The following HECW1 variants were observed in gnomAD, a reference collection of about 807,000 sequenced individuals.
The protein encoded by HECW1 is E3 ubiquitin-protein ligase HECW1.
In HECW1, 61 loss-of-function variants were observed where a neutral mutation model predicts 182.3. That is an observed-to-expected ratio of 0.33 (90% CI 0.27 to 0.41). HECW1 has a LOEUF of 0.41. Among genes scored for constraint, HECW1 ranks in the 10% least tolerant of loss-of-function variants. HECW1 has a pLI of 1.00. For synonymous variants in HECW1, 859 were observed against 832.6 expected (o/e 1.03, Z -0.55); for missense variants, 1,739 against 2,108.9 (o/e 0.82, Z 3.44).
intron 2 of HECW1, among the ~76,000 whole-genome samples, chr7:43,216,918 G>A (rs1796496923): frequency 2.0e-5 from 3 of 152,166 alleles, no homozygotes; most frequent in East Asian, 3.9e-4. Context: ...GCCTCCTAAA[G>A]TGCTGGGATT....
intron 17 of HECW1, among the ~76,000 whole-genome samples, chr7:43,487,561 G>A (rs1305096053): frequency 1.3e-5 from 2 of 152,160 alleles, no homozygotes; most frequent in African/African-American, 2.4e-5. Context: ...GTACACCCCT[G>A]AGAAACTTAA....
intron 3 of HECW1, chr7:43,258,651 G>A (rs1192106543): frequency 6.6e-6 from 1 of 152,216 alleles, no homozygotes; most frequent in Non-Finnish European, 1.5e-5. Context: ...AGCAAAGCTA[G>A]AAATCCTCCA....
chr7:43,470,291 TC>T (rs1200186679), intron 16 of HECW1, among the ~76,000 whole-genome samples: 1 of 152,242 alleles, frequency 6.6e-6, no homozygotes, highest in Non-Finnish European at 1.5e-5. Context: ...TTATCAGAGC[TC>T]GGTTTCGGGT....
chr7:43,289,346 C>T (rs1805088346), intron 3 of HECW1, among the ~76,000 whole-genome samples: 1 of 152,124 alleles, frequency 6.6e-6, no homozygotes, highest in East Asian at 1.9e-4. Context: ...ACCTCGTGAT[C>T]TGCCTGCTTT....
At chr7:43,405,472 G>A (rs746159507) in intron 7 of HECW1, among the ~76,000 whole-genome samples, 23 of 152,150 alleles carry the variant, frequency 1.5e-4, no homozygotes, top group East Asian at 1.9e-4. Flanking sequence ...GGCCTCTCCC[G>A]GTGGAGTTAC....
At chr7:43,362,322 C>T (rs1471302552) in intron 6 of HECW1, among the ~76,000 whole-genome samples, 1 of 152,166 alleles carries the variant, frequency 6.6e-6, no homozygotes, top group African/African-American at 2.4e-5. Context: ...AGGCCCAAAG[C>T]CTGGCTGCCT....
At chr7:43,310,495 CAGT>C (rs1808367425) in intron 3 of HECW1, among the ~76,000 whole-genome samples, 1 of 152,170 alleles carries the variant, frequency 6.6e-6, no homozygotes, top group Non-Finnish European at 1.5e-5. Context: ...CAGCAACCAT[CAGT>C]AGGGCCAAAG....
intron 2 of HECW1, among the ~76,000 whole-genome samples, chr7:43,198,191 C>T (rs919137355): frequency 6.7e-6 from 1 of 149,762 alleles, no homozygotes. Context: ...ACACACAGCA[C>T]ACACATTCAC....
intron 6 of HECW1, among the ~76,000 whole-genome samples, chr7:43,375,273 T>C (rs2074279710): frequency 6.6e-6 from 1 of 151,876 alleles, no homozygotes; most frequent in Admixed American, 6.6e-5. Flanking sequence ...AAGATGTGCT[T>C]GGTAAGATGT....
chr7:43,515,484 T>C (rs2080101467), intron 24 of HECW1, among the ~76,000 whole-genome samples: 1 of 152,120 alleles, frequency 6.6e-6, no homozygotes, highest in Non-Finnish European at 1.5e-5. Context: ...AATGGAAAGA[T>C]TTTTCAGAAG....
At chr7:43,375,051 A>C (rs7801731) in intron 6 of HECW1, among the ~76,000 whole-genome samples, 33,964 of 152,020 alleles carry the variant, frequency 0.22, 3,934 homozygotes, top group Middle Eastern at 0.34. Context: ...AGTTTTAAAA[A>C]TAAAATGTTC....
intron 6 of HECW1, among the ~76,000 whole-genome samples, chr7:43,394,615 T>C (rs1200859328): frequency 1.3e-5 from 2 of 151,992 alleles, no homozygotes; most frequent in African/African-American, 4.8e-5. Context: ...GAATAAGGGG[T>C]ATGGCATCCA....
intron 3 of HECW1, among the ~76,000 whole-genome samples, chr7:43,269,604 CGAATT>C (rs1164832694): frequency 6.6e-6 from 1 of 152,130 alleles, no homozygotes; most frequent in Non-Finnish European, 1.5e-5. Flanking sequence ...AGGAAATAAA[CGAATT>C]GAAAGGCAAG....
chr7:43,352,313 C>T (rs938037148), intron 5 of HECW1, among the ~76,000 whole-genome samples: 2 of 152,066 alleles, frequency 1.3e-5, no homozygotes, highest in South Asian at 2.1e-4. Context: ...ATGCAATAAT[C>T]GAAACTTGCT....
At chr7:43,232,106 A>G (rs1053428373) in intron 2 of HECW1, among the ~76,000 whole-genome samples, 1 of 152,106 alleles carries the variant, frequency 6.6e-6, no homozygotes, top group African/African-American at 2.4e-5. Context: ...ATTGTAAGGA[A>G]AGAGCTTGGA....
chr7:43,523,279 A>G (rs2080594966), intron 24 of HECW1: 1 of 202,398 alleles, frequency 4.9e-6, no homozygotes, highest in Admixed American at 5.3e-5. Flanking sequence ...TGCTGGGATT[A>G]TAGTCATGAG....
chr7:43,412,701 G>A (rs1001879427), intron 8 of HECW1, among the ~76,000 whole-genome samples: 70 of 150,636 alleles, frequency 4.6e-4, no homozygotes, highest in Middle Eastern at 3.2e-3. Context: ...AGAATATGCG[G>A]TGTTTGGTTT....
intron 5 of HECW1, among the ~76,000 whole-genome samples, chr7:43,324,349 AAAATAAGATGCTATAATGAATTATAGCTT>A (rs1202556723): frequency 6.6e-6 from 1 of 152,258 alleles, no homozygotes; most frequent in Non-Finnish European, 1.5e-5. Flanking sequence ...TAATATAAAT[AAAATAAGATGCTATAATGAATTATAGCTT>A]TAGGGATCTG....
chr7:43,517,079 T>A (rs2080190158), intron 24 of HECW1, among the ~76,000 whole-genome samples: 1 of 152,214 alleles, frequency 6.6e-6, no homozygotes. Context: ...ACATGTATCA[T>A]TTTAAGAAAC....
Sources: gnomAD v4.1 joint callset for allele counts (sites outside exome capture counted in the v4.1 genomes callset) on GRCh38, gnomAD v4.1.1 for gene constraint, MANE v1.5 for transcripts, NCBI Gene and HGNC (gene_info 2026-07-23, HGNC 2026-07-21) for gene names.